C10orf71: variants seen among roughly 807,000 people sequenced by gnomAD.
C10orf71 encodes cardiac-enriched FHL2-interacting protein.
For synonymous variants in C10orf71, 758 were observed against 726.3 expected (o/e 1.04, Z -0.70); for missense variants, 1,869 against 1,804.5 (o/e 1.04, Z -0.65).
chr10:49,312,656 T>G (rs1848935902), intron 1 of C10orf71, among the ~76,000 whole-genome samples: 1 of 152,146 alleles, frequency 6.6e-6, no homozygotes, highest in African/African-American at 2.4e-5. Context: ...ATGAAGTCTC[T>G]TTTCATCTCC....
At chr10:49,321,568 G>A (rs1849093870) in intron 2 of C10orf71, among the ~76,000 whole-genome samples, 1 of 152,194 alleles carries the variant, frequency 6.6e-6, no homozygotes, top group African/African-American at 2.4e-5. Context: ...CCTGTACCCA[G>A]ATATGGGAAT....
In C10orf71 at chr10:49,326,227, C is replaced by T; in HGVS notation, c.3682C>T (p.Pro1228Ser). 6.4e-7 allele frequency: 1 copy of T among 1,550,866 alleles called. No individual in the cohort carries two copies. Among genetic ancestry groups the T allele is most frequent in the South Asian group, 1.2e-5 (1 of 84,064 alleles). ...QQRPLCPRER[P>S]RHNFPVVRSL... ...AAGGCCGCTGTGCCCCAGAGAGAGG[C>T]CCCGACACAATTTCCCCGTGGTCCG... Residue 1228 changes from proline (P) to serine (S), a missense_variant, in exon 3 of 3, where the codon CCC becomes TCC. By Grantham distance (74) the Pro-to-Ser change is moderately conservative (BLOSUM62 -1). Coordinates refer to ENST00000374144, the MANE Select transcript of C10orf71 (RefSeq NM_001135196.2).
chr10:49,302,746 G>T (rs1848750574), intron 1 of C10orf71, among the ~76,000 whole-genome samples: 4 of 152,204 alleles, frequency 2.6e-5, no homozygotes. Flanking sequence ...CCTTAGGAAA[G>T]CTGAGTATGC....
At chr10:49,304,344 C>A (rs893784204) in intron 1 of C10orf71, among the ~76,000 whole-genome samples, 3 of 152,196 alleles carry the variant, frequency 2.0e-5, no homozygotes, top group African/African-American at 7.2e-5. Context: ...AGTTCCTTAA[C>A]CTCTCTGACC....
chr10:49,317,745 G>A lies in C10orf71; in HGVS notation c.-145+1498G>A, dbSNP rs180814067. On this transcript the variant is annotated intron_variant, in intron 2 of 2. Transcript: ENST00000374144. ...ATGCACCTGTAATCCCAGCTACTTG[G>A]TAGGCCAAGGTGGGAAGATCACTTG... is the stretch of plus-strand genomic sequence containing the variant. Among the ~76,000 whole-genome samples, 12 of 152,342 alleles carry A rather than the reference G, an allele frequency of 7.9e-5. No homozygotes were observed. In the East Asian group the frequency reaches 1.7e-3, roughly 22 times the overall value.
At chr10:49,318,325 G>A (rs1488137552) in intron 2 of C10orf71, among the ~76,000 whole-genome samples, 1 of 152,232 alleles carries the variant, frequency 6.6e-6, no homozygotes, top group Non-Finnish European at 1.5e-5. Flanking sequence ...TACTGGGGAA[G>A]GCGTGGGCTT....
upstream of C10orf71, chr10:49,299,066 C>T (rs1397994647): frequency 2.0e-5 from 3 of 152,218 alleles, no homozygotes; most frequent in Non-Finnish European, 4.4e-5. Flanking sequence ...ATTTCTCACT[C>T]CCCAAGTGAT....
chr10:49,301,548 T>C (rs889790648), intron 1 of C10orf71, among the ~76,000 whole-genome samples: 3 of 152,100 alleles, frequency 2.0e-5, no homozygotes, highest in African/African-American at 7.2e-5. Flanking sequence ...TCACCCCCAA[T>C]TTAAGTCATT....
rs1454645419 is a variant in C10orf71 at position 49,322,685 on chromosome 10, C to T, written c.140C>T (p.Ser47Phe). The stretch of plus-strand genomic sequence containing the variant: ...AGTTTGTGCATCTCCGAGGACACAT[C>T]CTTCCATGACTCCTATCTGGCTGTG... ...FRSLCISEDTSFHDSYLAVSP... is the reference protein window; with the variant it reads ...FRSLCISEDTFFHDSYLAVSP... Residue 47 changes from serine (S) to phenylalanine (F), a missense_variant, in exon 3 of 3, where the codon TCC (serine) becomes TTC (phenylalanine). Ser to Phe is a radical substitution (Grantham distance 155). Coordinates refer to ENST00000374144, the MANE Select transcript of C10orf71 (RefSeq NM_001135196.2). 3 of 1,613,812 alleles carry T rather than the reference C, an allele frequency of 1.9e-6. No homozygotes were observed. Among genetic ancestry groups the T allele is most frequent in the African/African-American group, 2.7e-5 (2 of 74,938 alleles).
rs1849210091 is a variant in C10orf71, at chr10:49,325,470, T to C, written c.2925T>C (p.Asp975=). The change falls in exon 3 of 3, where the codon GAT becomes GAC. Residue 975 remains aspartate (D), a synonymous_variant. Coordinates refer to ENST00000374144, the MANE Select transcript of C10orf71 (RefSeq NM_001135196.2). ...GGGACCGGGTGAAGGCACCACCAGATGCTGCACCTGGCCTCGTGGCAAGCA... is the reference window on the plus strand; with the variant it reads ...GGGACCGGGTGAAGGCACCACCAGACGCTGCACCTGGCCTCGTGGCAAGCA... The part of the protein sequence containing the change: ...GEGDRVKAPP[D]AAPGLVASNC... The C allele has an allele frequency of 6.4e-7, 1 of 1,550,700 alleles. No homozygotes were observed.
chr10:49,306,924 G>A (rs149794786), intron 1 of C10orf71, among the ~76,000 whole-genome samples: 409 of 152,326 alleles, frequency 2.7e-3, no homozygotes, highest in African/African-American at 9.2e-3. Context: ...AGTTTGGGTT[G>A]GGTGCAACAA....
At chr10:49,319,733 T>TATATATATACATAC (rs1491522089) in intron 2 of C10orf71, among the ~76,000 whole-genome samples, 2 of 84,992 alleles carry the variant, frequency 2.4e-5, no homozygotes, top group Non-Finnish European at 5.0e-5. Context: ...TATATATATA[T>TATATATATACATAC]ACACATACAT....
In C10orf71 at chr10:49,323,083, C is replaced by A; in HGVS notation, c.538C>A (p.Pro180Thr). Residue 180 changes from proline (P) to threonine (T), a missense_variant, in exon 3 of 3, where the codon CCA becomes ACA. Transcript: ENST00000374144. Reference protein sequence around the residue: ...LKNPPKFAPLPENSVNFCFDS... With the variant: ...LKNPPKFAPLTENSVNFCFDS... The stretch of plus-strand genomic sequence containing the variant: ...AAATCCTCCCAAATTCGCTCCTCTT[C>A]CAGAAAACAGTGTCAACTTCTGCTT... 2.5e-6 allele frequency: 4 copies of A among 1,614,044 alleles called. No individual in the cohort carries two copies. Among genetic ancestry groups the A allele is most frequent in the Non-Finnish European group, 3.4e-6 (4 of 1,179,884 alleles).
intron 1 of C10orf71, among the ~76,000 whole-genome samples, chr10:49,310,481 G>A (rs1046725094): frequency 1.2e-4 from 19 of 152,164 alleles, no homozygotes; most frequent in East Asian, 3.9e-4. Context: ...AGGCTGACTC[G>A]TCCCCAGTTC....
chr10:49,326,876 C>T lies in C10orf71; in HGVS notation c.*23C>T, dbSNP rs1183635247. The T allele has an allele frequency of 2.7e-6, 4 of 1,506,684 alleles. No individual in the cohort carries two copies. 93.3% of individuals were successfully genotyped at this position (1,506,684 alleles called of 1,614,324 possible). On this transcript the variant is annotated 3_prime_UTR_variant, in exon 3 of 3. Coordinates refer to ENST00000374144, the MANE Select transcript of C10orf71 (RefSeq NM_001135196.2). ...TGAGTTACTGCAGGCTGTCCCCCAC[C>T]CCCAGATGAACCCAGAGGAGCTTAC...
At position 49,322,960 on chromosome 10, in the gene C10orf71, C is replaced by T. The variant is rs1296304264; in HGVS notation, c.415C>T (p.Pro139Ser). The T allele has an allele frequency of 1.2e-6, 2 of 1,613,890 alleles. No homozygotes were observed. Among genetic ancestry groups the T allele is most frequent in the East Asian group, 2.2e-5 (1 of 44,890 alleles). Residue 139 changes from proline (P) to serine (S), a missense_variant, in exon 3 of 3, where the codon CCT becomes TCT. Coordinates refer to ENST00000374144, the MANE Select transcript of C10orf71 (RefSeq NM_001135196.2). ...TTCCGGCCTAAGGAGCAGCAATAAG[C>T]CTGTCTCCAAAGTATCAACACTAAT... ...PVSGLRSSNK[P>S]VSKVSTLIKS...
At chr10:49,310,796 A>ATGG (rs1848897693) in intron 1 of C10orf71, among the ~76,000 whole-genome samples, 1 of 151,504 alleles carries the variant, frequency 6.6e-6, no homozygotes, top group Non-Finnish European at 1.5e-5. Flanking sequence ...GATGATGATG[A>ATGG]TGATGGTGAT....
chr10:49,326,712 C>G lies in C10orf71; in HGVS notation c.4167C>G (p.His1389Gln). The G allele has an allele frequency of 6.4e-7, 1 of 1,551,186 alleles. No individual in the cohort carries two copies. The highest frequency in any genetic ancestry group is 1.4e-5 in the African/African-American group (1 of 73,134). ...GACTACAGCTGGACCCAGGGCCTCA[C>G]GGTGACTGCACCCCGCACTCTGCAG... ...ESGLQLDPGP[H>Q]GDCTPHSAGQ... The change falls in exon 3 of 3, where the codon CAC (histidine) becomes CAG (glutamine). Residue 1389 changes from histidine to glutamine, a missense_variant. By Grantham distance (24) the His-to-Gln change is conservative. Transcript: ENST00000374144.
At position 49,326,123 on chromosome 10, in the gene C10orf71, A is replaced by G. The variant is rs1198777751; in HGVS notation, c.3578A>G (p.Lys1193Arg). The G allele has an allele frequency of 6.4e-7, 1 of 1,551,704 alleles. No homozygotes were observed. The highest frequency in any genetic ancestry group is 2.4e-5 in the East Asian group (1 of 40,910). ...RAKKLASKRR[K>R]TDQAQEKHGE... ...AAGAAGCTGGCAAGTAAGAGGAGGA[A>G]GACGGATCAGGCTCAGGAGAAGCAT... The change falls in exon 3 of 3, where the codon AAG (lysine) becomes AGG (arginine). Residue 1193 changes from lysine to arginine, a missense_variant. Coordinates refer to ENST00000374144, the MANE Select transcript of C10orf71 (RefSeq NM_001135196.2).
Sources: gnomAD v4.1 joint callset for allele counts (sites outside exome capture counted in the v4.1 genomes callset) on GRCh38, gnomAD v4.1.1 for gene constraint, MANE v1.5 for transcripts, NCBI Gene and HGNC (gene_info 2026-07-23, HGNC 2026-07-21) for gene names.